The following MTTP variants were observed in gnomAD, a reference collection of about 807,000 sequenced individuals.
The protein encoded by MTTP is microsomal triglyceride transfer protein large subunit.
Under a neutral mutation model 90.6 loss-of-function variants are expected in MTTP, and 49 were observed. The ratio of observed to expected loss-of-function variants is 0.54; its 90% CI spans 0.43 to 0.69. The LOEUF (loss-of-function observed/expected upper bound fraction) is 0.69. Ranked by LOEUF, MTTP falls within the 30% of genes least tolerant of loss-of-function variation. MTTP has a pLI of 0.00. For synonymous variants in MTTP, 347 were observed against 384.2 expected (o/e 0.90, Z 1.13); for missense variants, 945 against 1,067.5 (o/e 0.89, Z 1.60).
At chr4:99,573,993 G>T (rs903281322), upstream of MTTP, among the ~76,000 whole-genome samples, 4 of 152,130 alleles carry the variant, frequency 2.6e-5, no homozygotes, top group Non-Finnish European at 5.9e-5. Flanking sequence ...CAGTTAGTAT[G>T]GCCTTAGCCA....
At chr4:99,591,085 C>T in intron 4 of MTTP, 150 bp from the exon 5 acceptor site, 1 of 684,480 alleles carries the variant, frequency 1.5e-6, no homozygotes, top group Middle Eastern at 2.5e-4. Flanking sequence ...CTACCAGAAA[C>T]CTTGTTCTTG....
chr4:99,591,611 G>A (rs570864363), intron 5 of MTTP, 40 bp from the exon 6 acceptor site: 9 of 1,594,040 alleles, frequency 5.6e-6, no homozygotes, highest in South Asian at 3.3e-5. Context: ...TAATTTAAAC[G>A]ATGATTACTT....
At chr4:99,604,359 T>C (rs1725764791) in intron 10 of MTTP, among the ~76,000 whole-genome samples, 1 of 152,128 alleles carries the variant, frequency 6.6e-6, no homozygotes, top group South Asian at 2.1e-4. Flanking sequence ...CATGTTTCTT[T>C]TTTATGTTTG....
chr4:99,595,223 T>A (rs2130906), intron 7 of MTTP, among the ~76,000 whole-genome samples: 3,530 of 152,304 alleles, frequency 0.023, 107 homozygotes, highest in Middle Eastern at 0.1. Flanking sequence ...TTGAAAGTTC[T>A]GTCACATAAT....
At chr4:99,590,836 TAC>T (rs34529437) in intron 4 of MTTP, among the ~76,000 whole-genome samples, 18,861 of 147,798 alleles carry the variant, frequency 0.13, 1,125 homozygotes, top group South Asian at 0.21. Flanking sequence ...TAGTTGAAGT[TAC>T]ACACACACAC....
intron 1 of MTTP, 137 bp downstream of exon 1, chr4:99,575,107 T>G (rs538451791): frequency 4.2e-6 from 4 of 943,038 alleles, no homozygotes; most frequent in Admixed American, 4.3e-5. Flanking sequence ...CATGTAACTT[T>G]GGAATGTTTG....
intron 3 of MTTP, among the ~76,000 whole-genome samples, chr4:99,587,886 C>T (rs1227753591): frequency 1.3e-5 from 2 of 152,142 alleles, no homozygotes; most frequent in Non-Finnish European, 2.9e-5. Context: ...ACTTCAGAAA[C>T]TCAGGCTTGG....
At chr4:99,570,572 A>G, upstream of MTTP, 4 of 395,288 alleles carry the variant, frequency 1.0e-5, no homozygotes, top group South Asian at 1.9e-5. Context: ...TAGGCAGACA[A>G]TGGCTCCCCA....
At chr4:99,576,251 A>G (rs972820807) in intron 1 of MTTP, among the ~76,000 whole-genome samples, 60 of 152,208 alleles carry the variant, frequency 3.9e-4, no homozygotes, top group African/African-American at 1.4e-3. Flanking sequence ...AGTAGTCAAA[A>G]TATGTGTGAT....
At chr4:99,600,481 C>G in intron 8 of MTTP, 84 bp from the exon 9 acceptor site, 1 of 1,375,024 alleles carries the variant, frequency 7.3e-7, no homozygotes, top group Non-Finnish European at 1.0e-6. Context: ...AAACTCAAAC[C>G]AATAGAAACT....
At chr4:99,584,416 T>C (rs1307647014) in intron 3 of MTTP, among the ~76,000 whole-genome samples, 2 of 152,026 alleles carry the variant, frequency 1.3e-5, no homozygotes, top group Non-Finnish European at 2.9e-5. Flanking sequence ...GATAAAGTAA[T>C]ACTTTATTTA....
chr4:99,611,907 A>G (rs1481197215), intron 14 of MTTP, among the ~76,000 whole-genome samples: 1 of 152,238 alleles, frequency 6.6e-6, no homozygotes. Flanking sequence ...ATAATAGAAT[A>G]TGATGCTCTA....
At chr4:99,595,137 A>C (rs941159702) in intron 7 of MTTP, among the ~76,000 whole-genome samples, 1 of 152,184 alleles carries the variant, frequency 6.6e-6, no homozygotes, top group African/African-American at 2.4e-5. Context: ...TCACATCTAG[A>C]ATTCAGGGAG....
intron 1 of MTTP, among the ~76,000 whole-genome samples, chr4:99,581,173 G>C (rs1725102095): frequency 6.6e-6 from 1 of 152,116 alleles, no homozygotes; most frequent in Non-Finnish European, 1.5e-5. Context: ...CTTTGGGCTA[G>C]GTAAACTGAA....
At chr4:99,569,764 C>A (rs1486944582) in intron 1 of MTTP, among the ~76,000 whole-genome samples, 10 of 151,954 alleles carry the variant, frequency 6.6e-5, no homozygotes, top group Non-Finnish European at 1.3e-4. Context: ...AAATCTCAAA[C>A]CATATCTACA....
At chr4:99,572,058 C>A (rs1724853095), upstream of MTTP, among the ~76,000 whole-genome samples, 2 of 151,692 alleles carry the variant, frequency 1.3e-5, no homozygotes, top group Admixed American at 1.3e-4. Flanking sequence ...GTCTTCTAAT[C>A]TAAGAAAATA....
chr4:99,564,505 G>A (rs563214892), intron 1 of MTTP: 1 of 394,164 alleles, frequency 2.5e-6, no homozygotes, highest in South Asian at 3.4e-5. Context: ...AACAGCCATA[G>A]CTTTACTCTT....
chr4:99,578,791 A>G (rs1469756785), intron 1 of MTTP, among the ~76,000 whole-genome samples: 1 of 152,182 alleles, frequency 6.6e-6, no homozygotes, highest in Non-Finnish European at 1.5e-5. Context: ...TCTGCATTAT[A>G]TTTGCTATGT....
At chr4:99,606,216 T>A (rs569580969) in intron 10 of MTTP, among the ~76,000 whole-genome samples, 6 of 152,324 alleles carry the variant, frequency 3.9e-5, no homozygotes, top group African/African-American at 1.4e-4. Context: ...GTAAAGTACC[T>A]ACCACATAGG....
Sources: allele counts gnomAD v4.1 joint callset (sites outside exome capture counted in the v4.1 genomes callset), GRCh38; gene constraint gnomAD v4.1.1; transcripts MANE v1.5; gene names NCBI Gene and HGNC (gene_info 2026-07-23, HGNC 2026-07-21).